Variants in C17orf78 observed in about 807,000 individuals in gnomAD.
The protein encoded by C17orf78 is chromosome 17 open reading frame 78.
C17orf78 carries 27 observed loss-of-function variants against 31.8 expected under a neutral mutation model. The ratio of observed to expected loss-of-function variants is 0.85; its 90% CI spans 0.63 to 1.17. The LOEUF is 1.17. Among genes scored for constraint, C17orf78 ranks in the 50% most tolerant of loss-of-function variants. The pLI is 0.00. For missense variants in C17orf78, 258 were observed against 315.2 expected, an observed-to-expected ratio of 0.82 and a Z score of 1.37; for synonymous variants, 106 against 115.1, an observed-to-expected ratio of 0.92 and a Z score of 0.51.
At chr17:37,388,214 C>T (rs555740359) in intron 4 of C17orf78, among the ~76,000 whole-genome samples, 9 of 152,128 alleles carry the variant, frequency 5.9e-5, no homozygotes, top group African/African-American at 2.2e-4. Flanking sequence ...AGAAGCAGTG[C>T]TAATTTTTAC....
chr17:37,390,304 T>TTTTATATATATATATATATATATATA (rs1201500381), intron 6 of C17orf78, among the ~76,000 whole-genome samples: 2 of 17,976 alleles, frequency 1.1e-4, no homozygotes, highest in African/African-American at 3.8e-4. Context: ...TTATACATAA[T>TTTTATATATATATATATATATATATA]TATATATATA....
chr17:37,381,912 C>A (rs564391693), intron 3 of C17orf78, among the ~76,000 whole-genome samples: 6 of 152,322 alleles, frequency 3.9e-5, no homozygotes, highest in African/African-American at 1.2e-4. Flanking sequence ...CAGGCGTGAG[C>A]CACTGCACCC....
intron 6 of C17orf78, among the ~76,000 whole-genome samples, chr17:37,390,302 A>AATTTTATATATATATATAT (rs1568095743): frequency 5.1e-5 from 2 of 39,464 alleles, no homozygotes; most frequent in Non-Finnish European, 7.6e-5. Context: ...TATTATACAT[A>AATTTTATATATATATATAT]ATTATATATA....
intron 3 of C17orf78, among the ~76,000 whole-genome samples, chr17:37,384,562 TA>T (rs539817178): frequency 2.4e-4 from 36 of 148,616 alleles, no homozygotes; most frequent in South Asian, 4.3e-4. Flanking sequence ...TCTTACAGAT[TA>T]AAAAAAAAAA....
chr17:37,391,596 A>G (rs1413538344), intron 6 of C17orf78, 51 bp from the exon 7 acceptor site: 3 of 1,530,314 alleles, frequency 2.0e-6, no homozygotes, highest in Non-Finnish European at 1.8e-6. Flanking sequence ...TACATGAAGA[A>G]CTATACACTT....
At chr17:37,379,910 C>G (rs1460048244) in intron 3 of C17orf78, among the ~76,000 whole-genome samples, 2 of 148,424 alleles carry the variant, frequency 1.3e-5, no homozygotes, top group African/African-American at 5.0e-5. Context: ...TTTGACCCAG[C>G]CATCCCATTA....
At chr17:37,378,085 G>A (rs2050086568) in intron 2 of C17orf78, 120 bp downstream of exon 2, 2 of 909,270 alleles carry the variant, frequency 2.2e-6, no homozygotes, top group South Asian at 1.7e-5. Flanking sequence ...TTAAGGATAT[G>A]TATCCTCCCA....
intron 6 of C17orf78, among the ~76,000 whole-genome samples, chr17:37,391,171 C>T (rs1392672256): frequency 6.6e-6 from 1 of 152,092 alleles, no homozygotes; most frequent in Non-Finnish European, 1.5e-5. Flanking sequence ...CCGGGAGGCA[C>T]AGGCTGCGGT....
Position 37,379,415 on chromosome 17 carries a change from T to A in C17orf78, c.391+33T>A, listed in dbSNP as rs1489859131. 5 of 1,599,766 alleles carry A rather than the reference T, an allele frequency of 3.1e-6. No individual in the cohort carries two copies. In the African/African-American group the frequency reaches 6.7e-5, roughly 21 times the overall value. On this transcript the variant is annotated intron_variant, in intron 3 of 6. Transcript: ENST00000615133. ...TGGAAAAGAGGAAGGGGGCAGGCACTAACTTTTAGTTGACATCCTTGAAGG... is the reference window on the plus strand; with the variant it reads ...TGGAAAAGAGGAAGGGGGCAGGCACAAACTTTTAGTTGACATCCTTGAAGG...
intron 4 of C17orf78, chr17:37,387,533 GC>G (rs1321873354): frequency 1.3e-5 from 2 of 148,164 alleles, no homozygotes; most frequent in African/African-American, 5.0e-5. Context: ...TGCAACCTCT[GC>G]CTCCCGGATC....
In C17orf78 at chr17:37,379,337, A is replaced by T; in HGVS notation, c.346A>T (p.Ile116Phe). 6.2e-7 allele frequency: 1 copy of T among 1,613,932 alleles called. No individual in the cohort carries two copies. Among genetic ancestry groups the T allele is most frequent in the Non-Finnish European group, 8.5e-7 (1 of 1,179,866 alleles). The change falls in exon 3 of 7, where the codon ATC becomes TTC. Residue 116 changes from isoleucine (I) to phenylalanine (F), a missense_variant. Transcript: ENST00000615133. Reference sequence around the variant, plus strand: ...CTCTGCCTCCTCAAGCTGTCACCTAATCCCCACATCCAAGTTTCAGACTGG... The same window carrying T: ...CTCTGCCTCCTCAAGCTGTCACCTATTCCCCACATCCAAGTTTCAGACTGG... ...NSSASSSCHL[I>F]PTSKFQTGSL...
At chr17:37,391,428 C>A (rs1447882006) in intron 6 of C17orf78, among the ~76,000 whole-genome samples, 1 of 152,134 alleles carries the variant, frequency 6.6e-6, no homozygotes, top group Admixed American at 6.6e-5. Context: ...CTTTTAATTA[C>A]TTTGCTAGTG....
At chr17:37,390,140 GTATATATATATATATATATATATA>G (rs1243535532) in intron 6 of C17orf78, among the ~76,000 whole-genome samples, 2 of 34,636 alleles carry the variant, frequency 5.8e-5, no homozygotes, top group African/African-American at 2.9e-4. Context: ...AAAAAAAAAA[GTATATATATATATATATATATATA>G]TATATATATA....
At chr17:37,384,347 G>A (rs775911954) in intron 3 of C17orf78, among the ~76,000 whole-genome samples, 9 of 152,190 alleles carry the variant, frequency 5.9e-5, no homozygotes, top group Non-Finnish European at 1.3e-4. Flanking sequence ...ATTTGGAAAA[G>A]GAAAAGACGG....
At chr17:37,378,032 T>C in intron 2 of C17orf78, 67 bp downstream of exon 2, 2 of 1,389,728 alleles carry the variant, frequency 1.4e-6, no homozygotes, top group East Asian at 4.6e-5. Flanking sequence ...TTAAAAGATA[T>C]CTCATCTTCC....
chr17:37,390,204 T>A (rs2050750931), intron 6 of C17orf78, among the ~76,000 whole-genome samples: 1 of 82,528 alleles, frequency 1.2e-5, no homozygotes, highest in Non-Finnish European at 2.1e-5. Flanking sequence ...TAAATATATA[T>A]AATTATATAT....
intron 6 of C17orf78, among the ~76,000 whole-genome samples, chr17:37,390,330 A>ATATATATATATATATCTATATATC (rs1386032855): frequency 6.7e-4 from 28 of 41,572 alleles, no homozygotes; most frequent in Non-Finnish European, 8.2e-4. Context: ...ATATATATAT[A>ATATATATATATATATCTATATATC]TATAAAAGGC....
intron 6 of C17orf78, among the ~76,000 whole-genome samples, chr17:37,390,175 T>TATATATATAAAC (rs60788220): frequency 2.2e-5 from 1 of 44,514 alleles, no homozygotes; most frequent in Non-Finnish European, 3.6e-5. Flanking sequence ...TATATATATA[T>TATATATATAAAC]ACACACACAC....
Position 37,390,303 on chromosome 17 carries a change from A to ATTTTATATATATATATATT in C17orf78, c.750+943_750+944insTTATATATATATATATTTT, listed in dbSNP as rs1167945419. Among the ~76,000 whole-genome samples the ATTTTATATATATATATATT allele has an allele frequency of 4.5e-4, 9 of 19,940 alleles. 1 individual carries two copies. The highest frequency in any genetic ancestry group is 6.2e-4 in the Non-Finnish European group (8 of 12,872). 13.1% of individuals were successfully genotyped at this position (19,940 alleles called of 152,430 possible). On this transcript the variant is annotated intron_variant, in intron 6 of 6. Coordinates refer to ENST00000615133, the MANE Select transcript of C17orf78 (RefSeq NM_173625.5). ...TATATATAATTATATATTATACATAATTATATATATATATATATATATATA... is the reference window on the plus strand; with the variant it reads ...TATATATAATTATATATTATACATAATTTTATATATATATATATTTTATATATATATATATATATATATA...
Sources: gnomAD v4.1 joint callset for allele counts (sites outside exome capture counted in the v4.1 genomes callset) on GRCh38, gnomAD v4.1.1 for gene constraint, MANE v1.5 for transcripts, NCBI Gene and HGNC (gene_info 2026-07-23, HGNC 2026-07-21) for gene names.